The following CHN2 variants were observed in gnomAD, a reference collection of about 807,000 sequenced individuals.
The protein encoded by CHN2 is chimerin 2.
A neutral mutation model predicts 56.3 loss-of-function variants in CHN2; 35 were observed. The observed-to-expected ratio is 0.62, with a 90% confidence interval of 0.47 to 0.82. CHN2 has a LOEUF of 0.82. CHN2 is among the 40% of genes least tolerant of loss of function. The probability of loss-of-function intolerance (pLI) is 0.00; values close to 1 mark genes in which losing one functional copy is unlikely to be tolerated. For missense variants in CHN2, 491 were observed against 580.5 expected (o/e 0.85, Z 1.58); for synonymous variants, 210 against 212.8 (o/e 0.99, Z 0.12).
chr7:29,439,446 G>A (rs1783470913), intron 6 of CHN2, among the ~76,000 whole-genome samples: 1 of 152,158 alleles, frequency 6.6e-6, no homozygotes, highest in African/African-American at 2.4e-5. Flanking sequence ...GGTGTTCTCT[G>A]CCTGGGGTCT....
At chr7:29,299,023 T>C (rs935707100) in intron 1 of CHN2, among the ~76,000 whole-genome samples, 5 of 152,118 alleles carry the variant, frequency 3.3e-5, no homozygotes, top group African/African-American at 1.2e-4. Flanking sequence ...GTGAGCAAAA[T>C]TGAATTTATT....
chr7:29,509,518 A>T, intron 12 of CHN2, 112 bp downstream of exon 12: 4 of 784,906 alleles, frequency 5.1e-6, no homozygotes, highest in Non-Finnish European at 6.4e-6. Flanking sequence ...TCACTGTGCC[A>T]GGAACCACTC....
At chr7:29,309,801 G>A (rs543172243) in intron 1 of CHN2, among the ~76,000 whole-genome samples, 5 of 152,304 alleles carry the variant, frequency 3.3e-5, no homozygotes, top group East Asian at 1.9e-4. Flanking sequence ...ACTTTGCCAC[G>A]CAGGCTGGTT....
intron 1 of CHN2, among the ~76,000 whole-genome samples, chr7:29,346,673 A>C (rs1340592956): frequency 1.2e-4 from 19 of 152,148 alleles, no homozygotes; most frequent in Admixed American, 1.2e-3. Context: ...CATTCTCTAC[A>C]TCGGTGAAAC....
chr7:29,422,078 C>G (rs1312464142), intron 6 of CHN2, among the ~76,000 whole-genome samples: 1 of 152,122 alleles, frequency 6.6e-6, no homozygotes, highest in African/African-American at 2.4e-5. Context: ...TATCTGTACT[C>G]TGTTTAAATT....
rs139166038 is a variant in CHN2, at chr7:29,225,875, C to G, written c.49+30885C>G. 1.5e-3 allele frequency among the ~76,000 whole-genome samples: 231 copies of G among 152,214 alleles called. 1 individual carries two copies. Among genetic ancestry groups the G allele is most frequent in the African/African-American group, 5.2e-3 (216 of 41,526 alleles). On this transcript the variant is annotated intron_variant, in intron 1 of 12. Transcript: ENST00000222792. Reference sequence around the variant, plus strand: ...GTTAAAACATTATTCTGAGACATGTCCTACAAGGCATGGGATTAGGCGTTT... The same window carrying G: ...GTTAAAACATTATTCTGAGACATGTGCTACAAGGCATGGGATTAGGCGTTT...
intron 6 of CHN2, among the ~76,000 whole-genome samples, chr7:29,464,242 G>A (rs991354932): frequency 6.6e-6 from 1 of 152,208 alleles, no homozygotes; most frequent in African/African-American, 2.4e-5. Context: ...GAGGTATCAA[G>A]TATTAGTTTC....
At chr7:29,263,960 G>C (rs979375527) in intron 1 of CHN2, among the ~76,000 whole-genome samples, 2 of 150,508 alleles carry the variant, frequency 1.3e-5, no homozygotes, top group Non-Finnish European at 3.0e-5. Context: ...CAGCCGCCCC[G>C]TCTGGGAGGT....
Position 29,194,961 on chromosome 7 carries a change from C to G in CHN2, c.20C>G (p.Ser7Cys). Residue 7 changes from serine to cysteine, a missense_variant, in exon 1 of 13, where the codon TCC becomes TGC. Ser to Cys is a moderately radical substitution (Grantham distance 112). Transcript: ENST00000222792. Reference protein sequence around the residue: MAASSNSSLSGSSVSSD... With the variant: MAASSNCSLSGSSVSSD... ...GCGGAGATGGCAGCGTCCAGCAACT[C>G]CAGCCTGTCCGGCTCGTCGGTGTCC... 6.3e-7 allele frequency: 1 copy of G among 1,584,284 alleles called. No homozygotes were observed.
intron 6 of CHN2, among the ~76,000 whole-genome samples, chr7:29,442,754 C>T (rs577128261): frequency 7.9e-5 from 12 of 152,208 alleles, no homozygotes; most frequent in Non-Finnish European, 1.8e-4. Flanking sequence ...AACCATTCTC[C>T]TAACTACCGC....
intron 1 of CHN2, among the ~76,000 whole-genome samples, chr7:29,240,999 C>A (rs1787630888): frequency 6.6e-6 from 1 of 152,146 alleles, no homozygotes; most frequent in Non-Finnish European, 1.5e-5. Flanking sequence ...GATTCTCCCA[C>A]CTCAGCCTCC....
At chr7:29,333,889 AGAT>A (rs1340809189) in intron 1 of CHN2, among the ~76,000 whole-genome samples, 1 of 152,020 alleles carries the variant, frequency 6.6e-6, no homozygotes, top group Non-Finnish European at 1.5e-5. Flanking sequence ...GAGAAAAGGT[AGAT>A]GATGATAGAA....
At chr7:29,395,576 G>A (rs1585252490) in intron 4 of CHN2, among the ~76,000 whole-genome samples, 1 of 151,976 alleles carries the variant, frequency 6.6e-6, no homozygotes, top group South Asian at 2.1e-4. Flanking sequence ...AATAGAAGAG[G>A]GAAAATACCC....
chr7:29,413,019 G>A (rs556417727), intron 6 of CHN2, among the ~76,000 whole-genome samples: 98 of 152,248 alleles, frequency 6.4e-4, no homozygotes, highest in African/African-American at 2.0e-3. Flanking sequence ...CATGGCCTCT[G>A]GACCAGGTTG....
chr7:29,363,919 C>T (rs962315945), intron 2 of CHN2, among the ~76,000 whole-genome samples: 4 of 152,078 alleles, frequency 2.6e-5, no homozygotes, highest in Non-Finnish European at 4.4e-5. Context: ...CGCCTGTATT[C>T]GCAGCTACTT....
At chr7:29,209,632 G>A (rs533437864) in intron 1 of CHN2, among the ~76,000 whole-genome samples, 3 of 152,282 alleles carry the variant, frequency 2.0e-5, no homozygotes, top group Non-Finnish European at 4.4e-5. Flanking sequence ...ACATCCCTGC[G>A]CCTGATGTAA....
chr7:29,451,455 A>G (rs935739463), intron 6 of CHN2, among the ~76,000 whole-genome samples: 12 of 152,180 alleles, frequency 7.9e-5, no homozygotes, highest in African/African-American at 2.9e-4. Flanking sequence ...GTCTTCAGAA[A>G]CTACTTCTTA....
At chr7:29,277,073 T>G (rs1791288763) in intron 1 of CHN2, among the ~76,000 whole-genome samples, 2 of 152,140 alleles carry the variant, frequency 1.3e-5, no homozygotes, top group South Asian at 4.1e-4. Flanking sequence ...GATCATGCAT[T>G]TAAGGGGACA....
intron 1 of CHN2, chr7:29,335,761 G>T (rs547709959): frequency 6.6e-6 from 1 of 152,364 alleles, no homozygotes; most frequent in South Asian, 2.1e-4. Flanking sequence ...AGTGGAGATG[G>T]TTTGCCTCAG....
Sources: allele counts gnomAD v4.1 joint callset (sites outside exome capture counted in the v4.1 genomes callset), GRCh38; gene constraint gnomAD v4.1.1; transcripts MANE v1.5; gene names NCBI Gene and HGNC (gene_info 2026-07-23, HGNC 2026-07-21).